Variants in PLEKHA8 observed in about 807,000 individuals in gnomAD.
PLEKHA8 encodes the protein pleckstrin homology domain-containing family A member 8.
Under a neutral mutation model 68.2 loss-of-function variants are expected in PLEKHA8, and 36 were observed. The observed-to-expected ratio is 0.53, with a 90% CI of 0.40 to 0.70. The LOEUF (loss-of-function observed/expected upper bound fraction) is 0.70. Ranked by LOEUF, PLEKHA8 falls within the 30% of genes least tolerant of loss-of-function variation. The pLI is 0.00. For synonymous variants in PLEKHA8, 211 were observed against 216.1 expected, an observed-to-expected ratio of 0.98 and a Z score of 0.20; for missense variants, 505 against 615.4, an observed-to-expected ratio of 0.82 and a Z score of 1.90.
intron 12 of PLEKHA8, among the ~76,000 whole-genome samples, chr7:30,063,878 C>G (rs1414322137): frequency 6.6e-6 from 1 of 152,220 alleles, no homozygotes; most frequent in Non-Finnish European, 1.5e-5. Flanking sequence ...ATTTCTCCTA[C>G]AAAGGGTCTT....
intron 13 of PLEKHA8, among the ~76,000 whole-genome samples, chr7:30,098,555 C>T (rs1795721814): frequency 6.6e-6 from 1 of 152,246 alleles, no homozygotes; most frequent in Non-Finnish European, 1.5e-5. Flanking sequence ...CCCAGCCTCG[C>T]TGCCGCCTTG....
intron 12 of PLEKHA8, among the ~76,000 whole-genome samples, chr7:30,072,843 C>G (rs1255806746): frequency 3.3e-5 from 5 of 152,144 alleles, no homozygotes; most frequent in Non-Finnish European, 5.9e-5. Flanking sequence ...GTACACTGTG[C>G]TGTTAATTTA....
At chr7:30,112,621 G>A (rs990857662) in intron 13 of PLEKHA8, among the ~76,000 whole-genome samples, 1 of 152,014 alleles carries the variant, frequency 6.6e-6, no homozygotes, top group Admixed American at 6.6e-5. Flanking sequence ...AAGCTGAGGT[G>A]GGAGGATAGC....
At chr7:30,116,147 C>T (rs1796536602) in intron 13 of PLEKHA8, among the ~76,000 whole-genome samples, 1 of 151,262 alleles carries the variant, frequency 6.6e-6, no homozygotes, top group African/African-American at 2.4e-5. Flanking sequence ...TATACATACG[C>T]ATACATACAC....
At chr7:30,089,214 AC>A (rs1325451187), downstream of PLEKHA8, among the ~76,000 whole-genome samples, 1 of 152,160 alleles carries the variant, frequency 6.6e-6, no homozygotes, top group Non-Finnish European at 1.5e-5. Context: ...TGGCTGGTAC[AC>A]ACTAATGTGG....
Position 30,082,836 on chromosome 7 carries a change from C to T in PLEKHA8, c.*4049C>T. The T allele has an allele frequency of 1.0e-6, 1 of 985,188 alleles. No homozygotes were observed. The highest frequency in any genetic ancestry group is 1.7e-5 in the African/African-American group (1 of 57,278). The allele number at this position is 985,188 out of a possible 1,614,324, so 61.0% of individuals were successfully genotyped here. A position where few individuals can be genotyped will look rare whatever the true frequency, so the allele number is the denominator to read the frequency against. ...GGCAATAGAGTCAGAGGGTCATGAG[C>T]AATAGACGATGATGCGAGGCATTTG... On this transcript the variant is annotated 3_prime_UTR_variant, in exon 14 of 14. Coordinates refer to ENST00000449726, the MANE Select transcript of PLEKHA8 (RefSeq NM_001197026.2).
At chr7:30,116,113 CACGTATACATGTGTATACATAT>C (rs1215808793) in intron 13 of PLEKHA8, 1 of 150,570 alleles carries the variant, frequency 6.6e-6, no homozygotes, top group African/African-American at 2.5e-5. Context: ...CGCATACATA[CACGTATACATGTGTATACATAT>C]GTATACATAC....
At chr7:30,074,620 A>G (rs2127996704) in intron 13 of PLEKHA8, among the ~76,000 whole-genome samples, 1 of 152,278 alleles carries the variant, frequency 6.6e-6, no homozygotes, top group South Asian at 2.1e-4. Flanking sequence ...AAGTCAACCT[A>G]ATAGCTCCCT....
intron 12 of PLEKHA8, among the ~76,000 whole-genome samples, chr7:30,065,132 A>G (rs1421172225): frequency 6.6e-6 from 1 of 152,182 alleles, no homozygotes; most frequent in Admixed American, 6.5e-5. Context: ...CTTTGTGAAG[A>G]AAGAGGAGAC....
At chr7:30,067,759 G>A (rs1793959838) in intron 12 of PLEKHA8, among the ~76,000 whole-genome samples, 2 of 152,130 alleles carry the variant, frequency 1.3e-5, no homozygotes, top group African/African-American at 4.8e-5. Context: ...TCTTCACTCA[G>A]TATTTTCAGA....
chr7:30,033,930 G>A (rs1310261905), intron 1 of PLEKHA8, among the ~76,000 whole-genome samples: 6 of 134,736 alleles, frequency 4.5e-5, no homozygotes, highest in Non-Finnish European at 9.5e-5. Context: ...TTATCCATTT[G>A]TATATCTATT....
intron 1 of PLEKHA8, among the ~76,000 whole-genome samples, chr7:30,043,690 G>A (rs1282953414): frequency 6.6e-6 from 1 of 152,202 alleles, no homozygotes; most frequent in Non-Finnish European, 1.5e-5. Context: ...CATAGATTTA[G>A]TGCTGACTAT....
intron 12 of PLEKHA8, among the ~76,000 whole-genome samples, chr7:30,070,383 C>G (rs936594585): frequency 1.3e-5 from 2 of 152,152 alleles, no homozygotes; most frequent in African/African-American, 4.8e-5. Context: ...CCAGACTCCC[C>G]ATGCTGTTTG....
At chr7:30,057,347 A>G (rs1274897889) in intron 9 of PLEKHA8, among the ~76,000 whole-genome samples, 1 of 152,086 alleles carries the variant, frequency 6.6e-6, no homozygotes, top group Admixed American at 6.6e-5. Context: ...TGTTTTCTGT[A>G]TCAGTAGTTC....
chr7:30,045,915 A>G (rs964732047), intron 2 of PLEKHA8, among the ~76,000 whole-genome samples: 1 of 152,248 alleles, frequency 6.6e-6, no homozygotes, highest in Non-Finnish European at 1.5e-5. Flanking sequence ...TTCCTTCTCT[A>G]TTCTGATAAG....
downstream of PLEKHA8, chr7:30,130,166 C>T (rs1044022671): frequency 6.6e-6 from 1 of 152,246 alleles, no homozygotes; most frequent in Non-Finnish European, 1.5e-5. Flanking sequence ...AGAGGATGAG[C>T]TAGTATCACT....
In PLEKHA8 at chr7:30,079,167, A is replaced by G. The variant is rs1415425214; in HGVS notation, c.*380A>G. ...AGCAAATTCCATATTAAGTACCATA[A>G]TTCATAGCCAGTGTTTCAGCCAACT... On this transcript the variant is annotated 3_prime_UTR_variant, in exon 14 of 14. Coordinates refer to ENST00000449726, the MANE Select transcript of PLEKHA8 (RefSeq NM_001197026.2). The G allele has an allele frequency of 2.0e-6, 2 of 1,011,890 alleles. No individual in the cohort carries two copies. Among genetic ancestry groups the G allele is most frequent in the Admixed American group, 1.0e-4 (2 of 19,144 alleles). 62.7% of individuals were successfully genotyped at this position (1,011,890 alleles called of 1,614,324 possible).
chr7:30,073,564 A>T (rs1004427852), intron 12 of PLEKHA8, among the ~76,000 whole-genome samples: 2 of 96,102 alleles, frequency 2.1e-5, no homozygotes, highest in African/African-American at 8.8e-5. Flanking sequence ...TGTGTTTCTT[A>T]AAAAAAAAAA....
chr7:30,114,192 G>T (rs1642474498), intron 13 of PLEKHA8, among the ~76,000 whole-genome samples: 1 of 152,092 alleles, frequency 6.6e-6, no homozygotes, highest in Non-Finnish European at 1.5e-5. Flanking sequence ...AGACACACCT[G>T]CCCTACTTTT....
Sources: gnomAD v4.1 joint callset for allele counts (sites outside exome capture counted in the v4.1 genomes callset) on GRCh38, gnomAD v4.1.1 for gene constraint, MANE v1.5 for transcripts, NCBI Gene and HGNC (gene_info 2026-07-23, HGNC 2026-07-21) for gene names.